The following TNFSF4 variants were observed in gnomAD, a reference collection of about 807,000 sequenced individuals.
TNFSF4 encodes TNF superfamily member 4, also known as tumor necrosis factor ligand superfamily member 4.
Under a neutral mutation model 7.3 loss-of-function variants are expected in TNFSF4, and 4 were observed. The ratio of observed to expected loss-of-function variants is 0.55; its 90% CI spans 0.27 to 1.25. TNFSF4 has a LOEUF of 1.25. Ranked by LOEUF, TNFSF4 falls within the 50% of genes most tolerant of loss-of-function variation. The probability of loss-of-function intolerance (pLI) is 0.12; values close to 1 mark genes in which losing one functional copy is unlikely to be tolerated. For missense variants in TNFSF4, 181 were observed against 208.8 expected, an observed-to-expected ratio of 0.87 and a Z score of 0.82; for synonymous variants, 76 against 83.7, an observed-to-expected ratio of 0.91 and a Z score of 0.50.
chr1:173,236,429 A>AC, the TNFSF4 span, among the ~76,000 whole-genome samples: 9 of 151,980 alleles, frequency 5.9e-5, no homozygotes, highest in Non-Finnish European at 1.3e-4. Flanking sequence ...AAAAAAAAAA[A>AC]AAACAGGAGA....
intron 1 of TNFSF4, among the ~76,000 whole-genome samples, chr1:173,203,929 A>G (rs1650058006): frequency 6.6e-6 from 1 of 152,202 alleles, no homozygotes. Context: ...CCAATGTAAT[A>G]TCCAAACAGT....
chr1:173,173,717 C>T, the TNFSF4 span, among the ~76,000 whole-genome samples: 165 of 152,330 alleles, frequency 1.1e-3, no homozygotes, highest in African/African-American at 3.8e-3. Context: ...TGTACATTGG[C>T]CCTGTTTGGC....
In TNFSF4 at chr1:173,184,805, T is replaced by G. The variant is rs1649154564; in HGVS notation, c.*1711A>C. The G allele has an allele frequency of 6.6e-6, 1 of 152,188 alleles. No homozygotes were observed. Among genetic ancestry groups the G allele is most frequent in the African/African-American group, 2.4e-5 (1 of 41,444 alleles). 9.4% of individuals were successfully genotyped at this position (152,188 alleles called of 1,614,324 possible). A position where few individuals can be genotyped will look rare whatever the true frequency, so the allele number is the denominator to read the frequency against. On this transcript the variant is annotated 3_prime_UTR_variant, in exon 3 of 3. Transcript: ENST00000281834. ...GAATGATTCTTGTAAATGTAAGTAT[T>G]TAGCCCAGTGCCTGGTCCACAGTAG... is the stretch of plus-strand genomic sequence containing the variant.
the TNFSF4 span, among the ~76,000 whole-genome samples, chr1:173,411,263 A>C: frequency 1.3e-5 from 2 of 152,016 alleles, no homozygotes; most frequent in Admixed American, 1.3e-4. Context: ...GACTAGTGTC[A>C]GGGGCAGGGG....
the TNFSF4 span, among the ~76,000 whole-genome samples, chr1:173,422,586 C>A: frequency 6.6e-6 from 1 of 152,122 alleles, no homozygotes; most frequent in African/African-American, 2.4e-5. Flanking sequence ...AGAGTGAGAC[C>A]TCAGCTGACT....
chr1:173,182,617 C>T (rs1390619541), downstream of TNFSF4, among the ~76,000 whole-genome samples: 4 of 152,196 alleles, frequency 2.6e-5, no homozygotes, highest in African/African-American at 7.2e-5. Context: ...ATGGCTAATA[C>T]GATGCCTGGC....
the TNFSF4 span, among the ~76,000 whole-genome samples, chr1:173,318,311 G>A: frequency 6.6e-6 from 1 of 151,860 alleles, no homozygotes; most frequent in Non-Finnish European, 1.5e-5. Context: ...GTGGTGGCAG[G>A]TAATGCCTGT....
chr1:173,450,271 C>T, the TNFSF4 span, among the ~76,000 whole-genome samples: 1 of 152,200 alleles, frequency 6.6e-6, no homozygotes, highest in African/African-American at 2.4e-5. Context: ...GTATGTATAA[C>T]TTTTAAATTG....
chr1:173,370,948 C>G, the TNFSF4 span, among the ~76,000 whole-genome samples: 13,164 of 152,232 alleles, frequency 0.086, 727 homozygotes, highest in Non-Finnish European at 0.13. Context: ...CAAGCCACCC[C>G]CTCATCCACG....
intron 1 of TNFSF4, among the ~76,000 whole-genome samples, chr1:173,197,221 T>C (rs1458939004): frequency 6.6e-6 from 1 of 152,216 alleles, no homozygotes; most frequent in Non-Finnish European, 1.5e-5. Context: ...TTTTACACTG[T>C]TGGTGGGAAT....
chr1:173,369,525 G>A, the TNFSF4 span, among the ~76,000 whole-genome samples: 82 of 152,194 alleles, frequency 5.4e-4, 1 homozygote, highest in East Asian at 0.015. Context: ...TCCAGGGACC[G>A]TTGCAGGTTC....
At chr1:173,175,320 T>C in the TNFSF4 span, 1 of 152,234 alleles carries the variant, frequency 6.6e-6, no homozygotes, top group African/African-American at 2.4e-5. Flanking sequence ...TATTCTAGTG[T>C]CTTTCTATTT....
chr1:173,239,046 T>C, the TNFSF4 span, among the ~76,000 whole-genome samples: 1 of 152,214 alleles, frequency 6.6e-6, no homozygotes, highest in Non-Finnish European at 1.5e-5. Context: ...CTCCAAGATG[T>C]TGATGGTGAT....
At position 173,185,675 on chromosome 1, in the gene TNFSF4, A is replaced by C. The variant is rs1649191695; in HGVS notation, c.*841T>G. 1.3e-5 allele frequency: 2 copies of C among 152,178 alleles called. No homozygotes were observed. The highest frequency in any genetic ancestry group is 1.3e-4 in the Admixed American group (2 of 15,282). The allele number at this position is 152,178 out of a possible 1,614,324, so 9.4% of individuals were successfully genotyped here. A position where few individuals can be genotyped will look rare whatever the true frequency, so the allele number is the denominator to read the frequency against. On this transcript the variant is annotated 3_prime_UTR_variant, in exon 3 of 3. Transcript: ENST00000281834. ...TCCTCCCCAGGCTATTAAAATCCGT[A>C]CTGACTTTTACCCTGAGATGTCCAG...
At chr1:173,289,541 G>A in the TNFSF4 span, among the ~76,000 whole-genome samples, 1 of 152,064 alleles carries the variant, frequency 6.6e-6, no homozygotes, top group African/African-American at 2.4e-5. Flanking sequence ...AAAATTACTA[G>A]ACATGCAAAT....
chr1:173,426,407 C>T, the TNFSF4 span, among the ~76,000 whole-genome samples: 1 of 152,122 alleles, frequency 6.6e-6, no homozygotes, highest in East Asian at 1.9e-4. Context: ...AAATACTCAG[C>T]ATGTCAAAAT....
the TNFSF4 span, among the ~76,000 whole-genome samples, chr1:173,388,394 A>G: frequency 6.6e-6 from 1 of 152,252 alleles, no homozygotes; most frequent in Non-Finnish European, 1.5e-5. Context: ...CAAGGTATAG[A>G]ATTCAAACAG....
the TNFSF4 span, among the ~76,000 whole-genome samples, chr1:173,248,510 AAG>A: frequency 2.3e-4 from 35 of 151,602 alleles, 1 homozygote; most frequent in East Asian, 6.0e-3. Flanking sequence ...GAAAGAAAGA[AAG>A]AGAAAGAAGG....
chr1:173,317,233 T>A, the TNFSF4 span, among the ~76,000 whole-genome samples: 1 of 152,222 alleles, frequency 6.6e-6, no homozygotes, highest in Non-Finnish European at 1.5e-5. Context: ...GATACATGAC[T>A]GTCCCATCCA....
Sources: gnomAD v4.1 joint callset for allele counts (sites outside exome capture counted in the v4.1 genomes callset) on GRCh38, gnomAD v4.1.1 for gene constraint, MANE v1.5 for transcripts, NCBI Gene and HGNC (gene_info 2026-07-23, HGNC 2026-07-21) for gene names.